The following AKAIN1 variants were observed in gnomAD, a reference collection of about 807,000 sequenced individuals.
AKAIN1 encodes the protein A-kinase anchor inhibitor 1, also known as A-kinase anchor protein inhibitor 1.
Under a neutral mutation model 3.7 loss-of-function variants are expected in AKAIN1, and 3 were observed. That is an observed-to-expected ratio of 0.82 (90% CI 0.37 to 2.12). The LOEUF (loss-of-function observed/expected upper bound fraction) is 2.12. AKAIN1 is among the 30% of genes most tolerant of loss of function. The probability of loss-of-function intolerance (pLI) is 0.06; values close to 1 mark genes in which losing one functional copy is unlikely to be tolerated. For synonymous variants in AKAIN1, 31 were observed against 30.8 expected (o/e 1.01, Z -0.02); for missense variants, 82 against 82.7 (o/e 0.99, Z 0.03).
At chr18:5,167,395 G>C (rs1382762774) in intron 1 of AKAIN1, among the ~76,000 whole-genome samples, 1 of 151,998 alleles carries the variant, frequency 6.6e-6, no homozygotes, top group Non-Finnish European at 1.5e-5. Flanking sequence ...TTGTAACCTA[G>C]ACTTGTGAGC....
At chr18:5,192,521 A>C (rs1567881095) in intron 1 of AKAIN1, among the ~76,000 whole-genome samples, 1 of 151,346 alleles carries the variant, frequency 6.6e-6, no homozygotes, top group Non-Finnish European at 1.5e-5. Flanking sequence ...CTGCCTTGGC[A>C]TCCCAAAGTA....
intron 1 of AKAIN1, among the ~76,000 whole-genome samples, chr18:5,189,431 G>A (rs767301480): frequency 2.0e-5 from 3 of 151,918 alleles, no homozygotes; most frequent in Admixed American, 6.6e-5. Context: ...AAATTTTTCT[G>A]CTCTGCTTCC....
At chr18:5,161,755 A>G (rs1003646788) in intron 1 of AKAIN1, among the ~76,000 whole-genome samples, 1 of 152,104 alleles carries the variant, frequency 6.6e-6, no homozygotes, top group African/African-American at 2.4e-5. Context: ...AAATTTGTCA[A>G]ATGTTTTCTC....
chr18:5,192,335 A>G (rs1459993973), intron 1 of AKAIN1, among the ~76,000 whole-genome samples: 1 of 152,160 alleles, frequency 6.6e-6, no homozygotes, highest in Admixed American at 6.5e-5. Context: ...CTCCCAGCTC[A>G]TTCTCCCTAG....
upstream of AKAIN1, chr18:5,197,399 A>G: frequency 7.9e-7 from 1 of 1,262,260 alleles, no homozygotes; most frequent in Non-Finnish European, 9.9e-7. This position sits in a 1 kb window ranked among gnomAD's most constrained non-coding sequence, Gnocchi z 6.9. Flanking sequence ...CGGAAGAGCA[A>G]GAGAGAGAAA....
At chr18:5,174,151 CAAT>C (rs751361112) in intron 1 of AKAIN1, among the ~76,000 whole-genome samples, 2 of 152,100 alleles carry the variant, frequency 1.3e-5, no homozygotes, top group Non-Finnish European at 2.9e-5. Flanking sequence ...GCTGCGGACT[CAAT>C]GATGGAGATG....
chr18:5,145,960 T>C (rs948401639), intron 1 of AKAIN1, among the ~76,000 whole-genome samples: 7 of 152,196 alleles, frequency 4.6e-5, no homozygotes, highest in African/African-American at 1.7e-4. Context: ...AAGTCCTTGA[T>C]AGAAAATGAC....
intron 1 of AKAIN1, among the ~76,000 whole-genome samples, chr18:5,178,983 T>A (rs1334784901): frequency 1.3e-5 from 2 of 152,174 alleles, no homozygotes; most frequent in African/African-American, 4.8e-5. Context: ...TCGTATTATT[T>A]AATAAAAGTC....
chr18:5,156,789 T>C (rs1472213359), intron 1 of AKAIN1, among the ~76,000 whole-genome samples: 2 of 152,200 alleles, frequency 1.3e-5, no homozygotes, highest in Admixed American at 6.5e-5. Flanking sequence ...GGGTCTTTCT[T>C]GCTCTCACAC....
chr18:5,147,555 G>A (rs1431045735), intron 1 of AKAIN1, among the ~76,000 whole-genome samples: 1 of 152,124 alleles, frequency 6.6e-6, no homozygotes, highest in Non-Finnish European at 1.5e-5. Flanking sequence ...AAGATTGGAG[G>A]GATGACGTTC....
intron 1 of AKAIN1, 115 bp downstream of exon 1, chr18:5,196,923 A>G: frequency 1.0e-6 from 1 of 965,316 alleles, no homozygotes. Context: ...CACAGACAGT[A>G]ACTCCGAAAC....
chr18:5,190,863 G>A (rs529816195), intron 1 of AKAIN1, among the ~76,000 whole-genome samples: 3 of 151,958 alleles, frequency 2.0e-5, no homozygotes, highest in Admixed American at 2.0e-4. Flanking sequence ...CCACCCCCAC[G>A]ACCTCTTCTA....
intron 1 of AKAIN1, among the ~76,000 whole-genome samples, chr18:5,169,994 A>G (rs1414082509): frequency 1.3e-5 from 2 of 152,128 alleles, no homozygotes; most frequent in Non-Finnish European, 2.9e-5. Flanking sequence ...ACTGGGTACA[A>G]TTATACTTGT....
intron 1 of AKAIN1, among the ~76,000 whole-genome samples, chr18:5,180,243 A>T (rs144951701): frequency 1.8e-3 from 273 of 152,272 alleles, no homozygotes; most frequent in Non-Finnish European, 3.4e-3. Context: ...TAGGCAGCAA[A>T]TATTTGTGAA....
Position 5,144,115 on chromosome 18 carries a change from C to T in AKAIN1, c.*1447G>A, listed in dbSNP as rs1415953553. Among the ~76,000 whole-genome samples, 2 of 152,074 alleles carry T rather than the reference C, an allele frequency of 1.3e-5. No individual in the cohort carries two copies. Among genetic ancestry groups the T allele is most frequent in the Non-Finnish European group, 2.9e-5 (2 of 68,024 alleles). ...CTGCTTCCTTCTCCTTCCATGTTTC[C>T]TGTGAATTTATTCCACCTGTGCACT... On this transcript the variant is annotated 3_prime_UTR_variant, in exon 2 of 2. Transcript: ENST00000434239.
intron 1 of AKAIN1, among the ~76,000 whole-genome samples, chr18:5,168,394 G>A (rs972880043): frequency 3.3e-5 from 5 of 152,100 alleles, no homozygotes; most frequent in African/African-American, 1.2e-4. Context: ...AAAGAAGTTG[G>A]ATGTTATTTC....
At chr18:5,155,216 A>T (rs2071100823) in intron 1 of AKAIN1, among the ~76,000 whole-genome samples, 1 of 152,086 alleles carries the variant, frequency 6.6e-6, no homozygotes, top group Non-Finnish European at 1.5e-5. Flanking sequence ...ACCATCGACC[A>T]TGGAGTGGCT....
intron 1 of AKAIN1, among the ~76,000 whole-genome samples, chr18:5,190,309 G>C (rs1441248488): frequency 6.6e-6 from 1 of 152,060 alleles, no homozygotes; most frequent in East Asian, 1.9e-4. Context: ...TATTACTATA[G>C]AACCCATGTA....
chr18:5,156,097 A>C (rs911202163), intron 1 of AKAIN1, among the ~76,000 whole-genome samples: 4 of 152,162 alleles, frequency 2.6e-5, no homozygotes, highest in Admixed American at 6.5e-5. Flanking sequence ...CACTCAGATA[A>C]GAATTACTGG....
Sources: gnomAD v4.1 joint callset for allele counts (sites outside exome capture counted in the v4.1 genomes callset) on GRCh38, gnomAD v4.1.1 for gene constraint, Gnocchi (gnomAD v3.1) non-coding constraint, MANE v1.5 for transcripts, NCBI Gene and HGNC (gene_info 2026-07-23, HGNC 2026-07-21) for gene names.